Variants in SLC30A5 observed in about 807,000 individuals in gnomAD.
SLC30A5 encodes solute carrier family 30 member 5, also known as proton-coupled zinc antiporter SLC30A5.
In SLC30A5, 33 loss-of-function variants were observed where a neutral mutation model predicts 79.6. The ratio of observed to expected loss-of-function variants is 0.41; its 90% CI spans 0.31 to 0.55. SLC30A5 has a LOEUF of 0.55. Ranked by LOEUF, SLC30A5 falls within the 20% of genes least tolerant of loss-of-function variation. The probability of loss-of-function intolerance (pLI) is 0.20; values close to 1 mark genes in which losing one functional copy is unlikely to be tolerated. For missense variants in SLC30A5, 788 were observed against 928.1 expected (o/e 0.85, Z 1.96); for synonymous variants, 299 against 319.7 (o/e 0.94, Z 0.69).
At chr5:69,128,216 T>C in intron 15 of SLC30A5, 84 bp downstream of exon 15, 1 of 973,024 alleles carries the variant, frequency 1.0e-6, no homozygotes, top group Non-Finnish European at 1.5e-6. Flanking sequence ...GGCTCAGTAG[T>C]CATTTACTAT....
rs750517856 is a variant in SLC30A5 at position 69,116,259 on chromosome 5, T to C, written c.1072+45T>C. 20 of 1,524,384 alleles carry C rather than the reference T, an allele frequency of 1.3e-5. No homozygotes were observed. In the East Asian group the frequency reaches 4.6e-4, roughly 35 times the overall value. 94.4% of individuals were successfully genotyped at this position (1,524,384 alleles called of 1,614,324 possible). On this transcript the variant is annotated intron_variant, in intron 9 of 15. Coordinates refer to ENST00000396591, the MANE Select transcript of SLC30A5 (RefSeq NM_022902.5). The surrounding 1 kb of genome is among the most constrained non-coding windows in gnomAD (Gnocchi z 4.0). ...TTTTATTTTAACAAATTTCTATTTA[T>C]GGATTTTGATGGTCACATCATTTAC...
intron 1 of SLC30A5, 88 bp downstream of exon 1, chr5:69,094,426 G>A: frequency 2.5e-6 from 3 of 1,219,986 alleles, no homozygotes; most frequent in Non-Finnish European, 3.1e-6. Flanking sequence ...CTGACAGCCC[G>A]GGACGTCCCG....
At position 69,128,705 on chromosome 5, in the gene SLC30A5, T is replaced by C. The variant is rs534738854; in HGVS notation, c.2127+573T>C. On this transcript the variant is annotated intron_variant, in intron 15 of 15. Coordinates refer to ENST00000396591, the MANE Select transcript of SLC30A5 (RefSeq NM_022902.5). ...AAAAAAATTCATTTATGAGTTTGAT[T>C]AATCTTGGTTTCCAGTAGATTATCA... Among the ~76,000 whole-genome samples the C allele has an allele frequency of 3.3e-5, 5 of 152,346 alleles. No homozygotes were observed. The South Asian group carries it at 6.2e-4, about 19-fold the overall frequency.
Position 69,129,608 on chromosome 5 carries a change from C to A in SLC30A5, c.2289C>A (p.Tyr763Ter). 6.2e-7 allele frequency: 1 copy of A among 1,607,678 alleles called. No homozygotes were observed. The highest frequency in any genetic ancestry group is 1.1e-5 in the South Asian group (1 of 89,728). Residue 763 changes from tyrosine (Y) to a stop codon, truncating the protein, a stop_gained, in exon 16 of 16, where the codon TAC becomes TAA. Transcript: ENST00000396591. LOFTEE classifies it high-confidence loss of function. Reference protein sequence around the residue: ...ESMKYCKDGTYIM With the variant: ...ESMKYCKDGT The stretch of plus-strand genomic sequence containing the variant: ...TGAAATACTGCAAAGATGGTACTTA[C>A]ATCATGTGAGATAACTCAAGAATTA...
At chr5:69,097,099 C>T (rs1322184772) in intron 1 of SLC30A5, among the ~76,000 whole-genome samples, 2 of 146,588 alleles carry the variant, frequency 1.4e-5, no homozygotes, top group African/African-American at 5.1e-5. Context: ...TCTTCCCTTC[C>T]TCTCTTTTTC....
intron 12 of SLC30A5, among the ~76,000 whole-genome samples, chr5:69,120,483 C>G (rs1746507831): frequency 6.6e-6 from 1 of 152,104 alleles, no homozygotes; most frequent in South Asian, 2.1e-4. Flanking sequence ...GGAAAATACA[C>G]CATTTTAAGC....
chr5:69,118,323 A>ATATATATATATATATG (rs1561296054), intron 11 of SLC30A5, 176 bp from the exon 12 acceptor site: 3 of 222,008 alleles, frequency 1.4e-5, no homozygotes, highest in East Asian at 1.3e-4. Flanking sequence ...ATATATATAT[A>ATATATATATATATATG]TGTATATATA....
intron 5 of SLC30A5, 40 bp from the exon 6 acceptor site, chr5:69,113,100 T>G: frequency 6.5e-7 from 1 of 1,545,652 alleles, no homozygotes; most frequent in Non-Finnish European, 8.9e-7. Flanking sequence ...AAATCAACCC[T>G]TGAAAAAGTC....
intron 5 of SLC30A5, among the ~76,000 whole-genome samples, chr5:69,108,905 C>A (rs930145803): frequency 2.0e-5 from 3 of 150,390 alleles, no homozygotes; most frequent in Non-Finnish European, 2.9e-5. Flanking sequence ...TTGAAGAATT[C>A]TATAAGTTTA....
rs148509798 is a variant in SLC30A5 at position 69,116,492 on chromosome 5, G to A, written c.1171G>A (p.Ala391Thr). The change falls in exon 10 of 16, where the codon GCT becomes ACT. Residue 391 changes from alanine to threonine, a missense_variant. This residue lies in a region of SLC30A5 where 626 missense variants were observed against 755.5 expected (regional missense o/e 0.83). Transcript: ENST00000396591. This position sits in a 1 kb window ranked among gnomAD's most constrained non-coding sequence, Gnocchi z 4.0. ...GTPLYNFMGD[A>T]FQHSSQSIPR... ...ACCTCTTTATAACTTCATGGGTGATGCTTTTCAGCATAGCTCTCAATCGAT... is the reference window on the plus strand; with the variant it reads ...ACCTCTTTATAACTTCATGGGTGATACTTTTCAGCATAGCTCTCAATCGAT... 5.1e-4 allele frequency: 817 copies of A among 1,612,216 alleles called. 5 individuals are homozygous for A. The African/African-American group carries it at 9.0e-3, about 18-fold the overall frequency.
rs6886492 is a variant in SLC30A5 at position 69,129,872 on chromosome 5, A to G, written c.*255A>G. On this transcript the variant is annotated 3_prime_UTR_variant, in exon 16 of 16. Coordinates refer to ENST00000396591, the MANE Select transcript of SLC30A5 (RefSeq NM_022902.5). ...AAACATGATGTATTACATCATCTTC[A>G]AAAATAGATATGATGGATTCTAGTG... The G allele has an allele frequency of 0.26, 69,472 of 266,352 alleles. 10,852 individuals are homozygous for G. Among genetic ancestry groups the G allele is most frequent in the African/African-American group, 0.48 (21,817 of 45,338 alleles). The allele number at this position is 266,352 out of a possible 1,614,324, so 16.5% of individuals were successfully genotyped here. A position where few individuals can be genotyped will look rare whatever the true frequency, so the allele number is the denominator to read the frequency against.
Position 69,115,326 on chromosome 5 carries a change from T to C in SLC30A5, c.702T>C (p.Ala234=), listed in dbSNP as rs772081193. 8 of 1,613,868 alleles carry C rather than the reference T, an allele frequency of 5.0e-6. No homozygotes were observed. The highest frequency in any genetic ancestry group is 6.8e-6 in the Non-Finnish European group (8 of 1,179,942). Residue 234 remains alanine (A), a synonymous_variant, in exon 8 of 16, where the codon GCT becomes GCC. Transcript: ENST00000396591. ...AGCTCTCTGTCGACGTTGGTGGAGC[T>C]AAACGTCTTCAAGCTTTATCTCATC... The part of the protein sequence containing the change: ...SRKLSVDVGG[A]KRLQALSHLV...
In SLC30A5 at chr5:69,129,506, G is replaced by A; in HGVS notation, c.2187G>A (p.Glu729=). Residue 729 remains glutamate, a synonymous_variant, in exon 16 of 16, where the codon GAG becomes GAA. Coordinates refer to ENST00000396591, the MANE Select transcript of SLC30A5 (RefSeq NM_022902.5). ...VNNLTIQVEK[E]AYFQHMSGLS... ...ATTTAACAATTCAAGTGGAAAAGGA[G>A]GCATACTTTCAACATATGTCTGGCC... 1 of 1,613,474 alleles carries A rather than the reference G, an allele frequency of 6.2e-7. No homozygotes were observed. The highest frequency in any genetic ancestry group is 8.5e-7 in the Non-Finnish European group (1 of 1,179,780).
At chr5:69,122,224 C>G (rs1746555909) in intron 13 of SLC30A5, among the ~76,000 whole-genome samples, 1 of 152,160 alleles carries the variant, frequency 6.6e-6, no homozygotes, top group South Asian at 2.1e-4. Flanking sequence ...TGGTGAAACC[C>G]TGTGCCTACT....
intron 6 of SLC30A5, 86 bp from the exon 7 acceptor site, chr5:69,114,334 A>G: frequency 1.3e-6 from 1 of 795,538 alleles, no homozygotes. Context: ...ATGCAATCCA[A>G]AATAATGTAA....
chr5:69,097,109 C>CTTTTTTTTTTTTTTTT (rs1228027917), intron 1 of SLC30A5, among the ~76,000 whole-genome samples: 2 of 87,948 alleles, frequency 2.3e-5, no homozygotes, highest in Non-Finnish European at 4.1e-5. Context: ...CTCTCTTTTT[C>CTTTTTTTTTTTTTTTT]TTTTTTTTTT....
chr5:69,119,966 C>G (rs962388664), intron 12 of SLC30A5, among the ~76,000 whole-genome samples: 2 of 148,830 alleles, frequency 1.3e-5, no homozygotes, highest in African/African-American at 5.0e-5. Flanking sequence ...CTTCAGTGAG[C>G]CCAGGTTGCA....
At chr5:69,118,464 CT>C in intron 11 of SLC30A5, 34 bp from the exon 12 acceptor site, 1 of 1,564,730 alleles carries the variant, frequency 6.4e-7, no homozygotes, top group African/African-American at 1.4e-5. Flanking sequence ...AATATTTGTC[CT>C]TTTCCTTTTC....
chr5:69,103,827 A>G (rs1331636449), intron 3 of SLC30A5: 11 of 672,698 alleles, frequency 1.6e-5, no homozygotes, highest in African/African-American at 9.5e-5. Context: ...GCTTTATGCC[A>G]TGACTTACAA....
Sources: allele counts gnomAD v4.1 joint callset (sites outside exome capture counted in the v4.1 genomes callset), GRCh38; gene constraint gnomAD v4.1.1; regional missense constraint gnomAD v4.1.1; non-coding constraint Gnocchi (gnomAD v3.1); transcripts MANE v1.5; gene names NCBI Gene and HGNC (gene_info 2026-07-23, HGNC 2026-07-21).